The following FMNL2 variants were observed in gnomAD, a reference collection of about 807,000 sequenced individuals.
FMNL2 encodes formin like 2, also known as formin-like protein 2.
A neutral mutation model predicts 130.2 loss-of-function variants in FMNL2; 51 were observed. The observed-to-expected ratio is 0.39, with a 90% confidence interval of 0.31 to 0.49. FMNL2 has a LOEUF of 0.49. FMNL2 is among the 20% of genes least tolerant of loss of function. The probability of loss-of-function intolerance (pLI) is 0.85; values close to 1 mark genes in which losing one functional copy is unlikely to be tolerated. For synonymous variants in FMNL2, 465 were observed against 467.1 expected, an observed-to-expected ratio of 1.00 and a Z score of 0.06; for missense variants, 977 against 1,316.2, an observed-to-expected ratio of 0.74 and a Z score of 3.99.
chr2:152,622,203 C>A (rs1215954349), intron 15 of FMNL2, among the ~76,000 whole-genome samples: 1 of 152,152 alleles, frequency 6.6e-6, no homozygotes, highest in Non-Finnish European at 1.5e-5. Flanking sequence ...CTCGGATCCT[C>A]ACAATGCGAA....
intron 16 of FMNL2, 116 bp downstream of exon 16, chr2:152,625,678 T>A (rs1681738236): frequency 1.6e-6 from 2 of 1,218,992 alleles, no homozygotes; most frequent in East Asian, 2.4e-5. Flanking sequence ...AGTCCCCTGA[T>A]GTAAAGAAGA....
At chr2:152,534,789 C>A (rs1182450701) in intron 2 of FMNL2, among the ~76,000 whole-genome samples, 1 of 152,106 alleles carries the variant, frequency 6.6e-6, no homozygotes, top group Non-Finnish European at 1.5e-5. Flanking sequence ...AGGAAAGACT[C>A]ATTGAACTAG....
At chr2:152,587,077 A>C (rs1166472080) in intron 9 of FMNL2, among the ~76,000 whole-genome samples, 5 of 152,336 alleles carry the variant, frequency 3.3e-5, no homozygotes, top group African/African-American at 1.2e-4. Flanking sequence ...GAGAGCCTCC[A>C]TGTAGAACTC....
At chr2:152,482,599 CT>C (rs1399652635) in intron 1 of FMNL2, among the ~76,000 whole-genome samples, 2 of 152,192 alleles carry the variant, frequency 1.3e-5, no homozygotes, top group Non-Finnish European at 2.9e-5. Context: ...TGAATTCTGG[CT>C]TTTCCACTTA....
chr2:152,565,710 A>G (rs1695797820), intron 6 of FMNL2, among the ~76,000 whole-genome samples: 1 of 152,168 alleles, frequency 6.6e-6, no homozygotes, highest in Non-Finnish European at 1.5e-5. Context: ...CCTTTAATAC[A>G]TTAACTACCA....
chr2:152,610,023 C>T (rs547125712), intron 10 of FMNL2, among the ~76,000 whole-genome samples: 2 of 152,246 alleles, frequency 1.3e-5, no homozygotes, highest in African/African-American at 4.8e-5. Context: ...TGGCAGGTCT[C>T]AGGGCCAGTG....
chr2:152,501,111 C>T (rs755201713), intron 1 of FMNL2, among the ~76,000 whole-genome samples: 21 of 152,210 alleles, frequency 1.4e-4, no homozygotes, highest in Non-Finnish European at 2.4e-4. Flanking sequence ...AAAAGTTTTA[C>T]AGGCAGTAAA....
intron 2 of FMNL2, among the ~76,000 whole-genome samples, chr2:152,534,058 G>A (rs1693855750): frequency 6.6e-6 from 1 of 152,066 alleles, no homozygotes; most frequent in Admixed American, 6.6e-5. Flanking sequence ...CAACTGCCTT[G>A]GATAAAAGTT....
At chr2:152,439,815 T>C (rs1418468249) in intron 1 of FMNL2, among the ~76,000 whole-genome samples, 1 of 147,706 alleles carries the variant, frequency 6.8e-6, no homozygotes, top group East Asian at 2.0e-4. Flanking sequence ...ATGCCGTGTC[T>C]GTGGTTCTTG....
At chr2:152,361,558 T>A (rs151121083) in intron 1 of FMNL2, among the ~76,000 whole-genome samples, 1 of 152,326 alleles carries the variant, frequency 6.6e-6, no homozygotes, top group East Asian at 1.9e-4. Flanking sequence ...TTTCTAGGTG[T>A]CTACATTTTA....
At chr2:152,441,799 C>A (rs960193650) in intron 1 of FMNL2, among the ~76,000 whole-genome samples, 7 of 151,176 alleles carry the variant, frequency 4.6e-5, no homozygotes, top group African/African-American at 1.7e-4. Flanking sequence ...CATGCCACTG[C>A]ACTCCAGCCT....
chr2:152,420,709 G>T (rs559921252), intron 1 of FMNL2, among the ~76,000 whole-genome samples: 47 of 152,086 alleles, frequency 3.1e-4, no homozygotes, highest in African/African-American at 1.1e-3. Flanking sequence ...GAGATCTGCA[G>T]ACTAAAGCAA....
intron 10 of FMNL2, among the ~76,000 whole-genome samples, chr2:152,608,646 A>G (rs1168904204): frequency 6.6e-6 from 1 of 151,794 alleles, no homozygotes; most frequent in East Asian, 1.9e-4. Flanking sequence ...AAATCTTGTT[A>G]TTAGGATTTT....
rs114373885 is a variant in FMNL2, at chr2:152,530,166, C to T, written c.201+8140C>T. 2.1e-3 allele frequency among the ~76,000 whole-genome samples: 325 copies of T among 152,284 alleles called. 3 individuals carry two copies. Among genetic ancestry groups the T allele is most frequent in the African/African-American group, 7.3e-3 (305 of 41,550 alleles). On this transcript the variant is annotated intron_variant, in intron 2 of 25. Coordinates refer to ENST00000288670, the MANE Select transcript of FMNL2 (RefSeq NM_052905.4). ...TTATCATATGAATGACTTTTATAAA[C>T]TTGAGGACACTGAGGTTGATCTTTG...
chr2:152,450,944 G>C (rs1451894983), intron 1 of FMNL2, among the ~76,000 whole-genome samples: 2 of 152,126 alleles, frequency 1.3e-5, no homozygotes, highest in African/African-American at 4.8e-5. Context: ...CAGGTCGCTG[G>C]GTCTCCAGGT....
chr2:152,508,526 G>C (rs1205503429), intron 1 of FMNL2, among the ~76,000 whole-genome samples: 6 of 152,302 alleles, frequency 3.9e-5, no homozygotes, highest in Admixed American at 3.9e-4. Context: ...GGTGTAATTT[G>C]CAGAAGGATA....
intron 2 of FMNL2, among the ~76,000 whole-genome samples, chr2:152,539,962 C>A (rs1454058780): frequency 1.3e-5 from 2 of 152,042 alleles, no homozygotes; most frequent in Non-Finnish European, 2.9e-5. Context: ...TGGTTGCCTG[C>A]ACCTATAGAT....
rs3080598 is a variant in FMNL2, at chr2:152,607,470, TACACACACACACACACAC to T, written c.951+77_951+94del. On this transcript the variant is annotated intron_variant, in intron 10 of 25. Coordinates refer to ENST00000288670, the MANE Select transcript of FMNL2 (RefSeq NM_052905.4). ...TCAGTTTCAATACTTTTTTTCTAAA[TACACACACACACACACAC>T]ACACACACACACACACACATATTTA... 14 of 617,920 alleles carry T rather than the reference TACACACACACACACACAC, an allele frequency of 2.3e-5. No individual in the cohort carries two copies. The Admixed American group carries it at 2.6e-4, about 12-fold the overall frequency. 38.3% of individuals were successfully genotyped at this position (617,920 alleles called of 1,614,324 possible). A position where few individuals can be genotyped will look rare whatever the true frequency, so the allele number is the denominator to read the frequency against.
At chr2:152,368,939 T>TG (rs1560304951) in intron 1 of FMNL2, among the ~76,000 whole-genome samples, 6 of 152,216 alleles carry the variant, frequency 3.9e-5, no homozygotes, top group Admixed American at 1.3e-4. Flanking sequence ...TGTGTGTGTG[T>TG]TTTTTAAGGC....
Sources: gnomAD v4.1 joint callset for allele counts (sites outside exome capture counted in the v4.1 genomes callset) on GRCh38, gnomAD v4.1.1 for gene constraint, MANE v1.5 for transcripts, NCBI Gene and HGNC (gene_info 2026-07-23, HGNC 2026-07-21) for gene names.